The following OPHN1 variants were observed in gnomAD, a reference collection of about 807,000 sequenced individuals.
OPHN1 encodes the protein oligophrenin-1.
Under a neutral mutation model 60.7 loss-of-function variants are expected in OPHN1, and 11 were observed. That is an observed-to-expected ratio of 0.18 (90% CI 0.11 to 0.30). The LOEUF is 0.30. Among genes scored for constraint, OPHN1 ranks in the 10% least tolerant of loss-of-function variants. The probability of loss-of-function intolerance (pLI) is 1.00; values close to 1 mark genes in which losing one functional copy is unlikely to be tolerated. For missense variants in OPHN1, 449 were observed against 611.0 expected, an observed-to-expected ratio of 0.73 and a Z score of 2.80; for synonymous variants, 226 against 222.6, an observed-to-expected ratio of 1.02 and a Z score of -0.14.
rs1569206967 is a variant in OPHN1, at chrX:68,083,050, G to GTTT, written c.1687-9754_1687-9752dup. On this transcript the variant is annotated intron_variant, in intron 19 of 24. Coordinates refer to ENST00000355520, the MANE Select transcript of OPHN1 (RefSeq NM_002547.3). ...AAACATCATGAACCAACCTCTGCTA[G>GTTT]TTTCTTTTTTTTTTTTTTTTTTTTT... Among the ~76,000 whole-genome samples, 91 of 40,799 alleles carry GTTT rather than the reference G, an allele frequency of 2.2e-3. 1 individual carries two copies. The highest frequency in any genetic ancestry group is 4.1e-3 in the South Asian group (2 of 484). 35.4% of individuals were successfully genotyped at this position (40,799 alleles called of 115,157 possible).
At chrX:68,413,999 C>T (rs957768427) in intron 2 of OPHN1, among the ~76,000 whole-genome samples, 1 of 111,533 alleles carries the variant, frequency 9.0e-6, no homozygotes, top group Non-Finnish European at 1.9e-5. Context: ...TTGACAAGAA[C>T]TCTGTCTCTC....
At chrX:68,328,632 G>A (rs2078280017) in intron 2 of OPHN1, among the ~76,000 whole-genome samples, 1 of 111,600 alleles carries the variant, frequency 9.0e-6, no homozygotes, top group Admixed American at 9.6e-5. Flanking sequence ...TTGGCAATGG[G>A]GAATACTAGG....
chrX:68,278,240 A>C (rs1288758927), intron 4 of OPHN1, among the ~76,000 whole-genome samples: 3 of 112,609 alleles, frequency 2.7e-5, no homozygotes, highest in African/African-American at 9.7e-5. Flanking sequence ...AGGAATGTAG[A>C]AAAAAGTCAC....
At chrX:68,064,458 A>G (rs1425962985) in intron 20 of OPHN1, among the ~76,000 whole-genome samples, 1 of 111,918 alleles carries the variant, frequency 8.9e-6, no homozygotes, top group Non-Finnish European at 1.9e-5. Context: ...TATTAAAGGA[A>G]TATGTCACTC....
chrX:68,397,592 G>A (rs1186638383), intron 2 of OPHN1, among the ~76,000 whole-genome samples: 2 of 99,817 alleles, frequency 2.0e-5, no homozygotes, highest in African/African-American at 3.6e-5. Flanking sequence ...GCACAATCTC[G>A]GCTCACTGCA....
At chrX:68,085,653 T>C (rs1055350821) in intron 19 of OPHN1, among the ~76,000 whole-genome samples, 22 of 111,877 alleles carry the variant, frequency 2.0e-4, no homozygotes, top group African/African-American at 7.2e-4. Flanking sequence ...ACTCCACAGT[T>C]TCTATTAAGA....
intron 15 of OPHN1, among the ~76,000 whole-genome samples, chrX:68,171,147 G>A (rs945268192): frequency 1.8e-5 from 2 of 110,244 alleles, no homozygotes; most frequent in African/African-American, 6.6e-5. Context: ...TAACACAAAG[G>A]ATAAATGCTT....
At chrX:68,070,853 G>T (rs191355522) in intron 20 of OPHN1, 1 of 1,179,064 alleles carries the variant, frequency 8.5e-7, no homozygotes, top group Admixed American at 2.2e-5. Context: ...CAGCCAGCAG[G>T]TATGCCAGAA....
chrX:68,243,419 G>T (rs754810019), intron 5 of OPHN1, among the ~76,000 whole-genome samples: 4 of 110,842 alleles, frequency 3.6e-5, no homozygotes, highest in Non-Finnish European at 7.6e-5. Flanking sequence ...CTGGAGTCTC[G>T]TTCTGTCACC....
At chrX:68,183,211 CAAT>C (rs2077446393) in intron 15 of OPHN1, among the ~76,000 whole-genome samples, 1 of 111,784 alleles carries the variant, frequency 8.9e-6, no homozygotes, top group Non-Finnish European at 1.9e-5. Flanking sequence ...AAGAAATCTA[CAAT>C]AATATAAATT....
chrX:68,302,907 G>A (rs1057190390), intron 2 of OPHN1, among the ~76,000 whole-genome samples: 3 of 111,172 alleles, frequency 2.7e-5, no homozygotes, highest in Admixed American at 9.6e-5. Flanking sequence ...CTAGGTGAGA[G>A]TGAGACCCTG....
At chrX:68,272,621 C>T (rs2077975135) in intron 5 of OPHN1, among the ~76,000 whole-genome samples, 1 of 112,123 alleles carries the variant, frequency 8.9e-6, no homozygotes, top group South Asian at 3.7e-4. Flanking sequence ...AGCCTAGGAG[C>T]AATAGGCTAT....
At chrX:68,416,544 G>A (rs1354076863) in intron 2 of OPHN1, among the ~76,000 whole-genome samples, 1 of 111,679 alleles carries the variant, frequency 9.0e-6, no homozygotes, top group African/African-American at 3.3e-5. Context: ...AGAGTTTCTT[G>A]AGATCAGAAC....
intron 2 of OPHN1, among the ~76,000 whole-genome samples, chrX:68,415,595 A>T (rs1011181628): frequency 5.4e-5 from 6 of 112,049 alleles, no homozygotes; most frequent in Non-Finnish European, 1.1e-4. Flanking sequence ...CAACTGTGTC[A>T]AAGAGAGAAA....
At chrX:68,425,600 C>T (rs966417772) in intron 2 of OPHN1, among the ~76,000 whole-genome samples, 1 of 110,781 alleles carries the variant, frequency 9.0e-6, no homozygotes, top group African/African-American at 3.3e-5. Flanking sequence ...AAAGGTACCC[C>T]AAAAGGTGAC....
At chrX:68,334,235 T>C (rs774317451) in intron 2 of OPHN1, among the ~76,000 whole-genome samples, 1 of 111,777 alleles carries the variant, frequency 8.9e-6, no homozygotes, top group East Asian at 2.8e-4. Context: ...GTAAGAATTA[T>C]ATTTTAAAGA....
chrX:68,208,327 G>A (rs746136730), intron 9 of OPHN1, among the ~76,000 whole-genome samples: 3 of 111,000 alleles, frequency 2.7e-5, no homozygotes, highest in Admixed American at 1.9e-4. Context: ...CTGACCTCCA[G>A]TGATCTGCCG....
chrX:68,167,269 A>G (rs2077362754), intron 15 of OPHN1, among the ~76,000 whole-genome samples: 1 of 111,977 alleles, frequency 8.9e-6, no homozygotes, highest in Non-Finnish European at 1.9e-5. Context: ...TGATCATCAT[A>G]TAAACGCAAA....
intron 19 of OPHN1, among the ~76,000 whole-genome samples, chrX:68,078,778 G>A (rs1195383344): frequency 2.7e-5 from 3 of 110,138 alleles, no homozygotes; most frequent in African/African-American, 9.9e-5. Context: ...TTGAGGCCAG[G>A]AGTTCAAGAC....
Sources: allele counts gnomAD v4.1 joint callset (sites outside exome capture counted in the v4.1 genomes callset), GRCh38; gene constraint gnomAD v4.1.1; transcripts MANE v1.5; gene names NCBI Gene and HGNC (gene_info 2026-07-23, HGNC 2026-07-21).